Variants in SH3PXD2A observed in about 807,000 individuals in gnomAD.
SH3PXD2A encodes SH3 and PX domain-containing protein 2A.
A neutral mutation model predicts 115.2 loss-of-function variants in SH3PXD2A; 32 were observed. That is an observed-to-expected ratio of 0.28 (90% confidence interval 0.21 to 0.37). The LOEUF (loss-of-function observed/expected upper bound fraction) is 0.37, where lower values mean the gene tolerates loss of function less well. Ranked by LOEUF, SH3PXD2A falls within the 10% of genes least tolerant of loss-of-function variation. SH3PXD2A has a pLI of 1.00. For synonymous variants in SH3PXD2A, 610 were observed against 629.1 expected (o/e 0.97, Z 0.45); for missense variants, 1,328 against 1,498.7 (o/e 0.89, Z 1.88).
chr10:103,851,723 T>G (rs568008454), intron 1 of SH3PXD2A, among the ~76,000 whole-genome samples: 2 of 152,236 alleles, frequency 1.3e-5, no homozygotes, highest in Admixed American at 1.3e-4. Context: ...GTGTTAAGTA[T>G]GTTTCACCAT....
rs2036597490 is a variant in SH3PXD2A at position 103,621,156 on chromosome 10, G to A, written c.802+1314C>T. ...GGCCATGAGGGCTGTGCATGTCTGT[G>A]GGGTTGTGGAGATGGTCGTGTTTGG... On this transcript the variant is annotated intron_variant, in intron 10 of 14. Coordinates refer to ENST00000369774, the MANE Select transcript of SH3PXD2A (RefSeq NM_001394015.1). Among the ~76,000 whole-genome samples, 3 of 152,206 alleles carry A rather than the reference G, an allele frequency of 2.0e-5. No homozygotes were observed. In the South Asian group the frequency reaches 6.2e-4, roughly 31 times the overall value.
chr10:103,669,309 C>T (rs981356676), intron 6 of SH3PXD2A, among the ~76,000 whole-genome samples: 4 of 152,216 alleles, frequency 2.6e-5, no homozygotes, highest in Admixed American at 2.6e-4. Flanking sequence ...GAGGGCTCTA[C>T]TCCAGGCTCA....
intron 6 of SH3PXD2A, among the ~76,000 whole-genome samples, chr10:103,684,548 C>T (rs1323008644): frequency 6.6e-6 from 1 of 151,784 alleles, no homozygotes; most frequent in Admixed American, 6.6e-5. Flanking sequence ...TTAGTAGAGA[C>T]GAGGTTTCAT....
At chr10:103,794,726 G>A (rs1010979159) in intron 2 of SH3PXD2A, among the ~76,000 whole-genome samples, 1 of 152,214 alleles carries the variant, frequency 6.6e-6, no homozygotes, top group Non-Finnish European at 1.5e-5. Flanking sequence ...TTCCTGGTCA[G>A]ATAGGGCTGA....
At chr10:103,699,382 C>A (rs913940217) in intron 5 of SH3PXD2A, among the ~76,000 whole-genome samples, 2 of 152,168 alleles carry the variant, frequency 1.3e-5, no homozygotes, top group Non-Finnish European at 2.9e-5. Context: ...TGTCTGTCTG[C>A]GTATCGAGCT....
At chr10:103,723,182 G>T (rs2134171060) in intron 5 of SH3PXD2A, among the ~76,000 whole-genome samples, 1 of 152,188 alleles carries the variant, frequency 6.6e-6, no homozygotes, top group Non-Finnish European at 1.5e-5. Context: ...GGCCCAGAGG[G>T]TTCCTGTGTC....
chr10:103,741,720 G>A (rs1299948782), intron 3 of SH3PXD2A, among the ~76,000 whole-genome samples: 1 of 152,226 alleles, frequency 6.6e-6, no homozygotes, highest in Non-Finnish European at 1.5e-5. Context: ...AGACTGCACG[G>A]TGCAAAGGCC....
intron 1 of SH3PXD2A, among the ~76,000 whole-genome samples, chr10:103,820,579 T>C (rs931828926): frequency 6.6e-6 from 1 of 151,856 alleles, no homozygotes; most frequent in African/African-American, 2.4e-5. Context: ...GCCCCCTCCC[T>C]CTGACCTCAG....
chr10:103,673,943 G>A (rs1452083854), intron 6 of SH3PXD2A, among the ~76,000 whole-genome samples: 1 of 152,212 alleles, frequency 6.6e-6, no homozygotes, highest in Non-Finnish European at 1.5e-5. Flanking sequence ...CCGATGGAAT[G>A]AACACCTCCC....
intron 5 of SH3PXD2A, among the ~76,000 whole-genome samples, chr10:103,709,269 G>A (rs2038019078): frequency 6.6e-6 from 1 of 152,132 alleles, no homozygotes; most frequent in South Asian, 2.1e-4. Context: ...AGTTCTGAGA[G>A]CCAGAAAGAG....
chr10:103,813,831 C>A (rs1400930221), intron 1 of SH3PXD2A, among the ~76,000 whole-genome samples: 1 of 151,992 alleles, frequency 6.6e-6, no homozygotes, highest in South Asian at 2.1e-4. Context: ...CCTGGCTGTA[C>A]ATTACAATCA....
At position 103,627,932 on chromosome 10, in the gene SH3PXD2A, A is replaced by G. The variant is rs1453851461; in HGVS notation, c.605-730T>C. ...TCCTCCTCATCCCTTCTTCCCTGAC[A>G]CTTCTTTGCCCCCAAAAGTGATTTG... On this transcript the variant is annotated intron_variant, in intron 8 of 14. Coordinates refer to ENST00000369774, the MANE Select transcript of SH3PXD2A (RefSeq NM_001394015.1). This position sits in a 1 kb window ranked among gnomAD's most constrained non-coding sequence, Gnocchi z 4.4. Among the ~76,000 whole-genome samples the G allele has an allele frequency of 6.6e-6, 1 of 152,042 alleles. No homozygotes were observed. The highest frequency in any genetic ancestry group is 1.5e-5 in the Non-Finnish European group (1 of 67,988).
At chr10:103,810,906 GGA>G (rs1491542673) in intron 1 of SH3PXD2A, among the ~76,000 whole-genome samples, 1 of 32,994 alleles carries the variant, frequency 3.0e-5, no homozygotes, top group East Asian at 5.3e-4. Flanking sequence ...ACAGAAACAT[GGA>G]CACACACACA....
intron 8 of SH3PXD2A, among the ~76,000 whole-genome samples, chr10:103,632,722 T>C (rs1417715577): frequency 1.3e-5 from 2 of 152,088 alleles, no homozygotes; most frequent in Admixed American, 6.5e-5. Flanking sequence ...ACACCTGTAA[T>C]CCCAACACTT....
intron 1 of SH3PXD2A, among the ~76,000 whole-genome samples, chr10:103,808,864 C>A (rs1259353068): frequency 1.3e-5 from 2 of 152,194 alleles, no homozygotes; most frequent in African/African-American, 4.8e-5. Flanking sequence ...CTGCTGGACA[C>A]ACTGAGATAA....
rs945114309 is a variant in SH3PXD2A at position 103,595,502 on chromosome 10, G to A, written c.*6314C>T. 3 of 152,168 alleles carry A rather than the reference G, an allele frequency of 2.0e-5. No homozygotes were observed. The highest frequency in any genetic ancestry group is 2.1e-4 in the South Asian group (1 of 4,828). 9.4% of individuals were successfully genotyped at this position (152,168 alleles called of 1,614,324 possible). A position where few individuals can be genotyped will look rare whatever the true frequency, so the allele number is the denominator to read the frequency against. ...ACATGCACATGCTCTTCTCACCAAC[G>A]TGCCTCTCACTTGCCTCTAACGTGC... On this transcript the variant is annotated 3_prime_UTR_variant, in exon 15 of 15. Transcript: ENST00000369774.
rs1185128289 is a variant in SH3PXD2A at position 103,598,302 on chromosome 10, C to G, written c.*3514G>C. 1 of 152,568 alleles carries G rather than the reference C, an allele frequency of 6.6e-6. No homozygotes were observed. The highest frequency in any genetic ancestry group is 2.4e-5 in the African/African-American group (1 of 41,454). The allele number at this position is 152,568 out of a possible 1,614,324, so 9.5% of individuals were successfully genotyped here. ...GGGTTGCCCCTTTCCAGCTCTCTCT[C>G]ACTGCCCCCAAAGTCCCATGGCCTG... On this transcript the variant is annotated 3_prime_UTR_variant, in exon 15 of 15. Transcript: ENST00000369774.
At position 103,732,890 on chromosome 10, in the gene SH3PXD2A, G is replaced by A. The variant is rs547386776; in HGVS notation, c.306+2842C>T. Among the ~76,000 whole-genome samples, 277 of 152,304 alleles carry A rather than the reference G, an allele frequency of 1.8e-3. 1 individual carries two copies. Among genetic ancestry groups the A allele is most frequent in the Non-Finnish European group, 3.0e-3 (207 of 68,030 alleles). On this transcript the variant is annotated intron_variant, in intron 4 of 14. Coordinates refer to ENST00000369774, the MANE Select transcript of SH3PXD2A (RefSeq NM_001394015.1). ...GGCACTGTGCTGGCTGGGGTCGGCCGGTGATGCTGAGTGGTCTGTCTGGAG... is the reference window on the plus strand; with the variant it reads ...GGCACTGTGCTGGCTGGGGTCGGCCAGTGATGCTGAGTGGTCTGTCTGGAG...
At chr10:103,825,660 C>T (rs1022735) in intron 1 of SH3PXD2A, among the ~76,000 whole-genome samples, 2 of 152,122 alleles carry the variant, frequency 1.3e-5, no homozygotes, top group Non-Finnish European at 2.9e-5. Flanking sequence ...CTGTGGCATG[C>T]CCCTAGAGAC....
Sources: allele counts gnomAD v4.1 joint callset (sites outside exome capture counted in the v4.1 genomes callset), GRCh38; gene constraint gnomAD v4.1.1; non-coding constraint Gnocchi (gnomAD v3.1); transcripts MANE v1.5; gene names NCBI Gene and HGNC (gene_info 2026-07-23, HGNC 2026-07-21).